The following SLC17A1 variants were observed in gnomAD, a reference collection of about 807,000 sequenced individuals.
The protein encoded by SLC17A1 is solute carrier family 17 member 1, also known as sodium-dependent phosphate transport protein 1.
SLC17A1 carries 51 observed loss-of-function variants against 53.5 expected under a neutral mutation model. That is an observed-to-expected ratio of 0.95 (90% CI 0.76 to 1.20). SLC17A1 has a LOEUF of 1.20. Among genes scored for constraint, SLC17A1 ranks in the 50% most tolerant of loss-of-function variants. The probability of loss-of-function intolerance (pLI) is 0.00; values close to 1 mark genes in which losing one functional copy is unlikely to be tolerated. For missense variants in SLC17A1, 538 were observed against 568.2 expected (o/e 0.95, Z 0.54); for synonymous variants, 179 against 198.8 (o/e 0.90, Z 0.84).
chr6:25,813,241 G>C, intron 6 of SLC17A1, 28 bp from the exon 7 acceptor site: 3 of 1,571,500 alleles, frequency 1.9e-6, no homozygotes, highest in Non-Finnish European at 2.6e-6. Context: ...GTTAGAATTG[G>C]AAGTCTCTGT....
chr6:25,797,739 A>G (rs548528948), intron 12 of SLC17A1, among the ~76,000 whole-genome samples: 132 of 151,970 alleles, frequency 8.7e-4, no homozygotes, highest in Non-Finnish European at 1.5e-3. Flanking sequence ...AACTGGGATT[A>G]CAGGTGCCCA....
At chr6:25,819,187 A>C (rs1764460699) in intron 5 of SLC17A1, 33 bp from the exon 6 acceptor site, 1 of 1,436,024 alleles carries the variant, frequency 7.0e-7, no homozygotes, top group African/African-American at 1.4e-5. Flanking sequence ...ACCCCTAATT[A>C]ATGCAGGCAT....
chr6:25,819,624 A>G, intron 4 of SLC17A1, 26 bp from the exon 5 acceptor site: 1 of 1,611,400 alleles, frequency 6.2e-7, no homozygotes, highest in Non-Finnish European at 8.5e-7. Context: ...TTTGACATTT[A>G]ATCTCTAATA....
chr6:25,727,171 G>A, the SLC17A1 span: 3 of 1,614,120 alleles, frequency 1.9e-6, no homozygotes, highest in African/African-American at 2.7e-5. Flanking sequence ...TACAGCAAGC[G>A]CTCCACCATT....
At chr6:25,773,272 TA>T in the SLC17A1 span, 1 of 1,611,760 alleles carries the variant, frequency 6.2e-7, no homozygotes, top group Non-Finnish European at 8.5e-7. Context: ...CCCCTTTTCC[TA>T]GGAGGAATTG....
At chr6:25,812,258 G>A (rs1206462782) in intron 8 of SLC17A1, among the ~76,000 whole-genome samples, 4 of 152,138 alleles carry the variant, frequency 2.6e-5, no homozygotes, top group Admixed American at 1.3e-4. Context: ...TACAGAATGC[G>A]GCAAAGTGGT....
intron 6 of SLC17A1, among the ~76,000 whole-genome samples, chr6:25,815,369 C>G (rs1764312379): frequency 6.6e-6 from 1 of 151,292 alleles, no homozygotes; most frequent in African/African-American, 2.4e-5. Context: ...CAGAGAATGC[C>G]AAGAATAAAT....
chr6:25,738,404 A>C, the SLC17A1 span, among the ~76,000 whole-genome samples: 1 of 152,158 alleles, frequency 6.6e-6, no homozygotes. Flanking sequence ...CCTAAAATTA[A>C]CTCATATAGA....
rs184106271 is a variant in SLC17A1, at chr6:25,819,787, G to T, written c.336C>A (p.Gly112=). 2 of 1,614,170 alleles carry T rather than the reference G, an allele frequency of 1.2e-6. No individual in the cohort carries two copies. The highest frequency in any genetic ancestry group is 2.7e-5 in the African/African-American group (2 of 75,050). The change falls in exon 4 of 13, where the codon GGC becomes GGA. Residue 112 remains glycine, a synonymous_variant. Transcript: ENST00000244527. ...ACACAGAGCTGAGGCATAATGCAAA[G>T]CCAATCATTTTCTTTGTAGAATATA... ...SGIYSTKKMI[G]FALCLSSVLS...
the SLC17A1 span, among the ~76,000 whole-genome samples, chr6:25,747,719 T>G: frequency 6.6e-6 from 1 of 152,232 alleles, no homozygotes; most frequent in South Asian, 2.1e-4. Context: ...TGTTCACCAC[T>G]AGAGGATACA....
At chr6:25,779,131 CT>C (rs749335118), downstream of SLC17A1, 2 of 1,613,928 alleles carry the variant, frequency 1.2e-6, no homozygotes, top group African/African-American at 2.7e-5. Context: ...TCTACCTCAT[CT>C]TTGGCCGAGC....
the SLC17A1 span, among the ~76,000 whole-genome samples, chr6:25,766,290 GAAAC>G: frequency 2.5e-4 from 38 of 151,868 alleles, no homozygotes; most frequent in East Asian, 3.3e-3. Context: ...AACAAACACA[GAAAC>G]AAACAAATAT....
At chr6:25,777,934 G>C, downstream of SLC17A1, 1 of 1,612,708 alleles carries the variant, frequency 6.2e-7, no homozygotes, top group South Asian at 1.1e-5. Flanking sequence ...AGGTACACTG[G>C]CTTTCTCAAA....
chr6:25,758,104 C>T, the SLC17A1 span, among the ~76,000 whole-genome samples: 1 of 152,132 alleles, frequency 6.6e-6, no homozygotes, highest in Admixed American at 6.5e-5. Context: ...AGCCTCAGAC[C>T]AAGAGTCACC....
the SLC17A1 span, chr6:25,773,768 A>G: frequency 1.4e-6 from 2 of 1,388,480 alleles, no homozygotes; most frequent in East Asian, 2.3e-5. Flanking sequence ...TAGTCACAAA[A>G]TCGGGGGATT....
chr6:25,723,856 T>A, the SLC17A1 span, among the ~76,000 whole-genome samples: 1 of 152,094 alleles, frequency 6.6e-6, no homozygotes, highest in South Asian at 2.1e-4. Context: ...TATTAGACAA[T>A]GCATTTAGAC....
downstream of SLC17A1, chr6:25,779,266 G>A (rs980765541): frequency 1.2e-5 from 19 of 1,574,932 alleles, no homozygotes; most frequent in African/African-American, 2.0e-4. Flanking sequence ...TTTCATGCCT[G>A]CTTGACTGAT....
chr6:25,820,604 G>A (rs1294916234), intron 3 of SLC17A1, among the ~76,000 whole-genome samples: 1 of 152,102 alleles, frequency 6.6e-6, no homozygotes, highest in East Asian at 1.9e-4. Context: ...ATGATGGCCG[G>A]GCGCGGTGGC....
chr6:25,824,791 A>G (rs569948623), intron 3 of SLC17A1, among the ~76,000 whole-genome samples: 11 of 152,060 alleles, frequency 7.2e-5, no homozygotes, highest in Admixed American at 6.5e-5. Flanking sequence ...AAATTAACAA[A>G]GAACAGATTT....
Sources: allele counts gnomAD v4.1 joint callset (sites outside exome capture counted in the v4.1 genomes callset), GRCh38; gene constraint gnomAD v4.1.1; transcripts MANE v1.5; gene names NCBI Gene and HGNC (gene_info 2026-07-23, HGNC 2026-07-21).